ONECUT2: variants seen among roughly 807,000 people sequenced by gnomAD.
ONECUT2 encodes one cut homeobox 2, also known as one cut domain family member 2.
In ONECUT2, 10 loss-of-function variants were observed where a neutral mutation model predicts 27.9. The ratio of observed to expected loss-of-function variants is 0.36; its 90% CI spans 0.22 to 0.61. The LOEUF (loss-of-function observed/expected upper bound fraction) is 0.61, where lower values mean the gene tolerates loss of function less well. Ranked by LOEUF, ONECUT2 falls within the 20% of genes least tolerant of loss-of-function variation. ONECUT2 has a pLI of 0.73. For synonymous variants in ONECUT2, 334 were observed against 315.1 expected (o/e 1.06, Z -0.64); for missense variants, 686 against 721.0 (o/e 0.95, Z 0.56).
Position 57,436,788 on chromosome 18 carries a change from C to T in ONECUT2, c.1072C>T (p.Gln358Ter). 1 of 1,614,098 alleles carries T rather than the reference C, an allele frequency of 6.2e-7. No homozygotes were observed. The highest frequency in any genetic ancestry group is 1.3e-5 in the African/African-American group (1 of 75,074). ...RYSIPQAIFA[Q>*]RVLCRSQGTL... ...CAGTATCCCCCAGGCGATCTTTGCG[C>T]AGAGGGTGCTGTGCCGGTCTCAGGG... The change falls in exon 1 of 2, where the codon CAG (glutamine) becomes TAG (stop). Residue 358 changes from glutamine to a stop codon, truncating the protein, a stop_gained. Coordinates refer to ENST00000491143, the MANE Select transcript of ONECUT2 (RefSeq NM_004852.3). LOFTEE classifies it high-confidence loss of function. This position sits in a 1 kb window ranked among gnomAD's most constrained non-coding sequence, Gnocchi z 5.9.
At position 57,485,880 on chromosome 18, in the gene ONECUT2, C is replaced by T. The variant is rs1245900951; in HGVS notation, c.*9157C>T. ...TCCAAACAAGCTCAAGGCCCATCTT[C>T]TCCCTATACAAGGCAAACCTGTAAG... On this transcript the variant is annotated 3_prime_UTR_variant, in exon 2 of 2. Transcript: ENST00000491143. 3.9e-5 allele frequency: 6 copies of T among 152,258 alleles called. No individual in the cohort carries two copies. The highest frequency in any genetic ancestry group is 3.9e-4 in the Admixed American group (6 of 15,278). The allele number at this position is 152,258 out of a possible 1,614,324, so 9.4% of individuals were successfully genotyped here.
intron 1 of ONECUT2, among the ~76,000 whole-genome samples, chr18:57,457,874 A>G (rs2050268776): frequency 6.6e-6 from 1 of 152,242 alleles, no homozygotes. Context: ...TCGCAAGGAC[A>G]GAAAAGCAAA....
chr18:57,447,882 T>C (rs2050209425), intron 1 of ONECUT2, among the ~76,000 whole-genome samples: 1 of 152,216 alleles, frequency 6.6e-6, no homozygotes, highest in African/African-American at 2.4e-5. Context: ...GAGAGTCTAG[T>C]GATGAGGCTC....
intron 1 of ONECUT2, among the ~76,000 whole-genome samples, chr18:57,448,934 T>G (rs781475047): frequency 1.3e-4 from 20 of 152,220 alleles, no homozygotes; most frequent in Non-Finnish European, 2.8e-4. Flanking sequence ...AGGGGAAAAA[T>G]TCGTCTTGGA....
At chr18:57,457,931 A>G (rs2050269095) in intron 1 of ONECUT2, among the ~76,000 whole-genome samples, 1 of 151,744 alleles carries the variant, frequency 6.6e-6, no homozygotes. Flanking sequence ...ATGAGAATAC[A>G]TGGACACAGG....
chr18:57,436,170 A>G lies in ONECUT2; in HGVS notation c.454A>G (p.Thr152Ala). The G allele has an allele frequency of 3.7e-6, 6 of 1,606,328 alleles. No individual in the cohort carries two copies. The highest frequency in any genetic ancestry group is 5.1e-6 in the Non-Finnish European group (6 of 1,179,618). ...MGMSNTYTTL[T>A]PLQPLPPIST... ...CATGAGCAACACCTACACCACGCTG[A>G]CACCGCTCCAGCCGCTGCCACCCAT... Residue 152 changes from threonine to alanine, a missense_variant, in exon 1 of 2, where the codon ACA (threonine) becomes GCA (alanine). By Grantham distance (58) the Thr-to-Ala change is moderately conservative (BLOSUM62 0). Coordinates refer to ENST00000491143, the MANE Select transcript of ONECUT2 (RefSeq NM_004852.3). The surrounding 1 kb of genome is among the most constrained non-coding windows in gnomAD (Gnocchi z 5.9).
At chr18:57,462,723 C>CTTTTTTTTTTTTTTTT (rs57032206) in intron 1 of ONECUT2, among the ~76,000 whole-genome samples, 86 of 68,968 alleles carry the variant, frequency 1.2e-3, no homozygotes, top group Non-Finnish European at 1.4e-3. Context: ...TATTTTCTTT[C>CTTTTTTTTTTTTTTTT]TTTTTTTTTT....
rs3745072 is a variant in ONECUT2 at position 57,476,803 on chromosome 18, C to A, written c.*80C>A. 1 of 1,472,218 alleles carries A rather than the reference C, an allele frequency of 6.8e-7. No homozygotes were observed. 91.2% of individuals were successfully genotyped at this position (1,472,218 alleles called of 1,614,324 possible). ...AAAAGAAAACAAAGGAAAAAGACAC[C>A]GGATTCCTAGCTGGGGCCCTTCACT... On this transcript the variant is annotated 3_prime_UTR_variant, in exon 2 of 2. Coordinates refer to ENST00000491143, the MANE Select transcript of ONECUT2 (RefSeq NM_004852.3).
rs565444875 is a variant in ONECUT2, at chr18:57,483,833, G to A, written c.*7110G>A. ...GCGAACTTCACCTCTTAATTATTGT[G>A]GCCCTCGGAGCCTTCATATTGTAAC... is the stretch of plus-strand genomic sequence containing the variant. On this transcript the variant is annotated 3_prime_UTR_variant, in exon 2 of 2. Coordinates refer to ENST00000491143, the MANE Select transcript of ONECUT2 (RefSeq NM_004852.3). The A allele has an allele frequency of 1.3e-5, 2 of 152,574 alleles. No individual in the cohort carries two copies. The highest frequency in any genetic ancestry group is 4.2e-4 in the South Asian group (2 of 4,816). 9.5% of individuals were successfully genotyped at this position (152,574 alleles called of 1,614,324 possible).
At position 57,436,306 on chromosome 18, in the gene ONECUT2, T is replaced by A; in HGVS notation, c.590T>A (p.Leu197His). Residue 197 changes from leucine to histidine, a missense_variant, in exon 1 of 2, where the codon CTC (leucine) becomes CAC (histidine). By Grantham distance (99) the Leu-to-His change is moderately conservative (BLOSUM62 -3). Coordinates refer to ENST00000491143, the MANE Select transcript of ONECUT2 (RefSeq NM_004852.3). This position sits in a 1 kb window ranked among gnomAD's most constrained non-coding sequence, Gnocchi z 5.9. ...LSGNVSGSFT[L>H]MRDERGLPAM... ...GGCAACGTCAGCGGCAGCTTCACCCTCATGCGCGACGAGCGCGGGCTCCCG... is the reference window on the plus strand; with the variant it reads ...GGCAACGTCAGCGGCAGCTTCACCCACATGCGCGACGAGCGCGGGCTCCCG... 1.2e-6 allele frequency: 2 copies of A among 1,603,616 alleles called. No homozygotes were observed. Among genetic ancestry groups the A allele is most frequent in the Non-Finnish European group, 1.7e-6 (2 of 1,179,512 alleles).
Position 57,436,597 on chromosome 18 carries a change from G to C in ONECUT2, c.881G>C (p.Gly294Ala), listed in dbSNP as rs779019973. Residue 294 changes from glycine (G) to alanine (A), a missense_variant, in exon 1 of 2, where the codon GGC becomes GCC. By Grantham distance (60) the Gly-to-Ala change is moderately conservative (BLOSUM62 0). This residue lies in a region of ONECUT2 where 511 missense variants were observed against 488.1 expected (regional missense o/e 1.05). Transcript: ENST00000491143. This position sits in a 1 kb window ranked among gnomAD's most constrained non-coding sequence, Gnocchi z 5.9. Reference sequence around the variant, plus strand: ...GCGGCCATGATGTCGCACCTGAACGGCCTGCACCACCCGGGCCACACTCAG... The same window carrying C: ...GCGGCCATGATGTCGCACCTGAACGCCCTGCACCACCCGGGCCACACTCAG... Reference protein sequence around the residue: ...PPAAMMSHLNGLHHPGHTQSH... With the variant: ...PPAAMMSHLNALHHPGHTQSH... 5 of 1,610,360 alleles carry C rather than the reference G, an allele frequency of 3.1e-6. No individual in the cohort carries two copies. The South Asian group carries it at 4.4e-5, about 14-fold the overall frequency.
At chr18:57,452,347 G>C (rs1474212849) in intron 1 of ONECUT2, among the ~76,000 whole-genome samples, 1 of 152,176 alleles carries the variant, frequency 6.6e-6, no homozygotes, top group African/African-American at 2.4e-5. Flanking sequence ...GAATCCCACT[G>C]CTCTAGTGTC....
chr18:57,447,089 A>C (rs531020110), intron 1 of ONECUT2, among the ~76,000 whole-genome samples: 2 of 152,318 alleles, frequency 1.3e-5, no homozygotes, highest in East Asian at 3.9e-4. Flanking sequence ...GAAAGAGAAA[A>C]AGTGAACCAG....
At chr18:57,462,481 G>A (rs922852760) in intron 1 of ONECUT2, among the ~76,000 whole-genome samples, 1 of 152,104 alleles carries the variant, frequency 6.6e-6, no homozygotes, top group East Asian at 1.9e-4. Flanking sequence ...CACCTCCTGG[G>A]CTCAGGCAGT....
chr18:57,442,794 C>A (rs1400231594), intron 1 of ONECUT2, among the ~76,000 whole-genome samples: 2 of 152,150 alleles, frequency 1.3e-5, no homozygotes, highest in Non-Finnish European at 2.9e-5. Context: ...AAACTGATTA[C>A]CCCAGATTCT....
Position 57,476,664 on chromosome 18 carries a change from C to T in ONECUT2, c.1456C>T (p.Gln486Ter). ...NARRRSLEKW[Q>*]DDLSTGGSSS... is the part of the protein sequence containing the mutation. ...CCGGCGCCGCAGCCTGGAGAAGTGG[C>T]AAGACGATCTGAGCACAGGGGGCTC... The change falls in exon 2 of 2, where the codon CAA becomes TAA. Residue 486 changes from glutamine (Q) to a stop codon, truncating the protein, a stop_gained. Coordinates refer to ENST00000491143, the MANE Select transcript of ONECUT2 (RefSeq NM_004852.3). LOFTEE classifies it high-confidence loss of function. 6.2e-7 allele frequency: 1 copy of T among 1,614,170 alleles called. No homozygotes were observed. Among genetic ancestry groups the T allele is most frequent in the Non-Finnish European group, 8.5e-7 (1 of 1,180,034 alleles).
intron 1 of ONECUT2, among the ~76,000 whole-genome samples, chr18:57,474,218 T>G (rs3933394): frequency 0.52 from 78,475 of 151,914 alleles, 22,885 homozygotes; most frequent in Non-Finnish European, 0.67. Context: ...AGAGTATCAG[T>G]GCATTTTGAT....
At chr18:57,438,595 C>A (rs1157574792) in intron 1 of ONECUT2, among the ~76,000 whole-genome samples, 1 of 152,218 alleles carries the variant, frequency 6.6e-6, no homozygotes, top group African/African-American at 2.4e-5. Flanking sequence ...GCTTTGACAG[C>A]ATTTTCCTTT....
chr18:57,440,409 A>C (rs1348615395), intron 1 of ONECUT2, among the ~76,000 whole-genome samples: 2 of 152,230 alleles, frequency 1.3e-5, no homozygotes, highest in Non-Finnish European at 2.9e-5. Context: ...GACGCCCGAA[A>C]ATCGAGCCGA....
Sources: allele counts gnomAD v4.1 joint callset (sites outside exome capture counted in the v4.1 genomes callset), GRCh38; gene constraint gnomAD v4.1.1; regional missense constraint gnomAD v4.1.1; non-coding constraint Gnocchi (gnomAD v3.1); transcripts MANE v1.5; gene names NCBI Gene and HGNC (gene_info 2026-07-23, HGNC 2026-07-21).